The following SP100 variants were observed in gnomAD, a reference collection of about 807,000 sequenced individuals.
SP100 encodes SP100 nuclear body protein.
A neutral mutation model predicts 130.0 loss-of-function variants in SP100; 84 were observed. The ratio of observed to expected loss-of-function variants is 0.65; its 90% CI spans 0.54 to 0.77. The LOEUF is 0.77. Among genes scored for constraint, SP100 ranks in the 30% least tolerant of loss-of-function variants. The pLI is 0.00. For synonymous variants in SP100, 331 were observed against 351.7 expected (o/e 0.94, Z 0.66); for missense variants, 978 against 1,052.2 (o/e 0.93, Z 0.97).
chr2:230,444,663 C>T (rs888967458), intron 4 of SP100, among the ~76,000 whole-genome samples: 2 of 152,222 alleles, frequency 1.3e-5, no homozygotes, highest in Non-Finnish European at 2.9e-5. Context: ...GGAGCCCTTG[C>T]AGTGGTCTAC....
intron 11 of SP100, among the ~76,000 whole-genome samples, chr2:230,465,882 G>A (rs966776997): frequency 6.6e-6 from 1 of 151,972 alleles, no homozygotes; most frequent in Non-Finnish European, 1.5e-5. Context: ...AGAGAAAAAC[G>A]CTCATCAAAA....
intron 24 of SP100, among the ~76,000 whole-genome samples, chr2:230,532,552 G>A (rs1575814578): frequency 6.6e-6 from 1 of 151,000 alleles, no homozygotes; most frequent in Admixed American, 6.6e-5. Context: ...AAAAAAAGAT[G>A]TGAGACTAGT....
chr2:230,537,739 G>C (rs187619130), intron 24 of SP100: 1 of 152,438 alleles, frequency 6.6e-6, no homozygotes, highest in South Asian at 2.1e-4. Context: ...TTATTGGTCT[G>C]AGGTGCTGCC....
chr2:230,502,940 C>T (rs1249950041), intron 19 of SP100, 126 bp from the exon 20 acceptor site: 11 of 693,538 alleles, frequency 1.6e-5, no homozygotes, highest in Middle Eastern at 3.1e-4. Context: ...AAAAAGTTCC[C>T]GACTCCTGAT....
intron 15 of SP100, among the ~76,000 whole-genome samples, chr2:230,472,097 T>G (rs1181629675): frequency 6.6e-6 from 1 of 151,840 alleles, no homozygotes; most frequent in Non-Finnish European, 1.5e-5. Flanking sequence ...GAAGAAAATG[T>G]GGATAAAGAC....
intron 17 of SP100, among the ~76,000 whole-genome samples, chr2:230,492,892 C>T (rs906700696): frequency 6.6e-6 from 1 of 152,192 alleles, no homozygotes; most frequent in African/African-American, 2.4e-5. Context: ...TTTTTCTCCA[C>T]TCTCCCATGG....
At chr2:230,470,277 T>C (rs1003584020) in intron 15 of SP100, 179 bp downstream of exon 15, 19 of 1,328,136 alleles carry the variant, frequency 1.4e-5, no homozygotes, top group Admixed American at 7.3e-5. Context: ...GATAAACTCA[T>C]GTTTAACAGA....
chr2:230,443,442 T>TA (rs985898913), intron 3 of SP100, among the ~76,000 whole-genome samples: 1 of 152,150 alleles, frequency 6.6e-6, no homozygotes, highest in African/African-American at 2.4e-5. Context: ...AACTAAAACT[T>TA]AAAAATAATT....
intron 24 of SP100, among the ~76,000 whole-genome samples, chr2:230,525,296 T>G (rs960150509): frequency 6.6e-6 from 1 of 152,138 alleles, no homozygotes; most frequent in Non-Finnish European, 1.5e-5. Context: ...GAAAAAACAG[T>G]AAGTTGAAAA....
intron 2 of SP100, among the ~76,000 whole-genome samples, chr2:230,433,247 T>C (rs1238521600): frequency 6.6e-6 from 1 of 152,250 alleles, no homozygotes; most frequent in African/African-American, 2.4e-5. Flanking sequence ...TACTATTTGT[T>C]GAAAAGACTA....
At chr2:230,435,138 G>A (rs1054930645) in intron 2 of SP100, among the ~76,000 whole-genome samples, 1 of 152,238 alleles carries the variant, frequency 6.6e-6, no homozygotes, top group Admixed American at 6.5e-5. Context: ...GGATGAGTAA[G>A]TGTCTGTTTT....
chr2:230,432,730 T>G (rs1437970648), intron 2 of SP100, among the ~76,000 whole-genome samples: 1 of 152,196 alleles, frequency 6.6e-6, no homozygotes, highest in Non-Finnish European at 1.5e-5. Context: ...TCTTTACATA[T>G]CTGAATACAA....
intron 4 of SP100, among the ~76,000 whole-genome samples, chr2:230,444,811 T>C (rs11677512): frequency 0.16 from 24,744 of 152,228 alleles, 2,153 homozygotes; most frequent in Non-Finnish European, 0.19. Flanking sequence ...GCTTTCAGGA[T>C]GCCCTAAGAG....
chr2:230,541,573 G>T (rs1304357998), intron 27 of SP100, among the ~76,000 whole-genome samples: 1 of 152,160 alleles, frequency 6.6e-6, no homozygotes, highest in Non-Finnish European at 1.5e-5. Context: ...CCAAGATCAG[G>T]GTGTCAGTAG....
rs780053243 is a variant in SP100, at chr2:230,470,012, C to A, written c.1346-3C>A. Reference sequence around the variant, plus strand: ...TGTTAAGGAATTTTATTTTTTTCTGCAGGTTTCAGCAGTAGTGACTTTTCA... The same window carrying A: ...TGTTAAGGAATTTTATTTTTTTCTGAAGGTTTCAGCAGTAGTGACTTTTCA... On this transcript the variant is annotated splice_region_variant and splice_polypyrimidine_tract_variant and intron_variant, in intron 14 of 28. Coordinates refer to ENST00000340126, the MANE Select transcript of SP100 (RefSeq NM_001080391.2). The A allele has an allele frequency of 3.7e-6, 6 of 1,609,334 alleles. No individual in the cohort carries two copies. Among genetic ancestry groups the A allele is most frequent in the Non-Finnish European group, 4.2e-6 (5 of 1,177,926 alleles).
intron 24 of SP100, among the ~76,000 whole-genome samples, chr2:230,531,278 A>T (rs977625936): frequency 6.6e-6 from 1 of 152,232 alleles, no homozygotes; most frequent in Non-Finnish European, 1.5e-5. Context: ...AGGGACATGG[A>T]TGAAGCTGGA....
Position 230,449,108 on chromosome 2 carries a change from C to G in SP100, c.544C>G (p.Arg182Gly). The G allele has an allele frequency of 6.2e-7, 1 of 1,610,982 alleles. No homozygotes were observed. The highest frequency in any genetic ancestry group is 8.5e-7 in the Non-Finnish European group (1 of 1,177,084). Residue 182 changes from arginine to glycine, a missense_variant, in exon 6 of 29, where the codon CGA becomes GGA. Arg to Gly is a moderately radical substitution (Grantham distance 125). Coordinates refer to ENST00000340126, the MANE Select transcript of SP100 (RefSeq NM_001080391.2). ...LEQGTGENSFRSLTWPPSGSP... is the reference protein window; with the variant it reads ...LEQGTGENSFGSLTWPPSGSP... ...GCCAGGAACTGGTGAAAACTCTTTT[C>G]GAAGCCTGACTTGGCCACCTTCGGG... is the stretch of plus-strand genomic sequence containing the variant.
At chr2:230,461,537 G>A in intron 9 of SP100, 123 bp downstream of exon 9, 1 of 919,836 alleles carries the variant, frequency 1.1e-6, no homozygotes, top group Non-Finnish European at 1.7e-6. Context: ...GAAGGGAAAG[G>A]GGCTGGCACC....
intron 17 of SP100, among the ~76,000 whole-genome samples, chr2:230,482,184 CTTGT>C (rs1408634613): frequency 6.6e-6 from 1 of 151,998 alleles, no homozygotes; most frequent in Non-Finnish European, 1.5e-5. Context: ...TTTTTTTAAT[CTTGT>C]TTAAGAAATC....
Sources: allele counts gnomAD v4.1 joint callset (sites outside exome capture counted in the v4.1 genomes callset), GRCh38; gene constraint gnomAD v4.1.1; transcripts MANE v1.5; gene names NCBI Gene and HGNC (gene_info 2026-07-23, HGNC 2026-07-21).